SERPINB3: variants seen among roughly 807,000 people sequenced by gnomAD.
SERPINB3 encodes serpin family B member 3.
A neutral mutation model predicts 33.0 loss-of-function variants in SERPINB3; 33 were observed. That is an observed-to-expected ratio of 1.00 (90% CI 0.76 to 1.34). SERPINB3 has a LOEUF of 1.34. Among genes scored for constraint, SERPINB3 ranks in the 40% most tolerant of loss-of-function variants. SERPINB3 has a pLI of 0.00. For synonymous variants in SERPINB3, 200 were observed against 170.9 expected (o/e 1.17, Z -1.33); for missense variants, 518 against 461.5 (o/e 1.12, Z -1.12).
At chr18:63,659,736 T>C (rs8089709) in intron 3 of SERPINB3, among the ~76,000 whole-genome samples, 7,848 of 152,244 alleles carry the variant, frequency 0.052, 623 homozygotes, top group African/African-American at 0.17. Flanking sequence ...CTTGCTCTAA[T>C]GTACTGCAAT....
At chr18:63,658,425 C>T in intron 5 of SERPINB3, 88 bp downstream of exon 5, 1 of 1,117,748 alleles carries the variant, frequency 8.9e-7, no homozygotes, top group Middle Eastern at 3.0e-4. Flanking sequence ...ATCTCAATTC[C>T]CACCCATGGT....
chr18:63,658,724 T>C, intron 4 of SERPINB3, 94 bp from the exon 5 acceptor site: 1 of 957,924 alleles, frequency 1.0e-6, no homozygotes, highest in South Asian at 1.6e-5. Context: ...GTAAGCTGAA[T>C]CCAGACCCTG....
chr18:63,657,771 CT>C (rs78145953), intron 5 of SERPINB3, among the ~76,000 whole-genome samples: 31,006 of 138,830 alleles, frequency 0.22, 3,287 homozygotes, highest in African/African-American at 0.25. Flanking sequence ...CCTCTTCCTA[CT>C]TTTTTTTTTT....
At position 63,661,193 on chromosome 18, in the gene SERPINB3, G is replaced by C. The variant is rs774496420; in HGVS notation, c.24C>G (p.Asn8Lys). The stretch of plus-strand genomic sequence containing the variant: ...GGAACAGGTCGAACATGAACTTGGT[G>C]TTGGCTTCACTGAGTGAATTCATGG... MNSLSEA[N>K]TKFMFDLFQQ... Residue 8 changes from asparagine to lysine, a missense_variant, in exon 2 of 8, where the codon AAC (asparagine) becomes AAG (lysine). Transcript: ENST00000283752. The C allele has an allele frequency of 6.2e-7, 1 of 1,613,444 alleles. No homozygotes were observed. The highest frequency in any genetic ancestry group is 8.5e-7 in the Non-Finnish European group (1 of 1,179,542).
At chr18:63,658,462 T>A (rs376330364) in intron 5 of SERPINB3, 51 bp downstream of exon 5, 1 of 1,496,190 alleles carries the variant, frequency 6.7e-7, no homozygotes, top group South Asian at 1.1e-5. Context: ...GGCATAGGGC[T>A]CACTCGCATA....
At position 63,656,900 on chromosome 18, in the gene SERPINB3, T is replaced by G; in HGVS notation, c.699A>C (p.Glu233Asp). Reference protein sequence around the residue: ...SLEDVQAKVLEIPYKGKDLSM... With the variant: ...SLEDVQAKVLDIPYKGKDLSM... ...TTAGATCTTTGCCTTTGTATGGTAT[T>G]TCCAGGACCTTGGCCTGTACATCCT... Residue 233 changes from glutamate (E) to aspartate (D), a missense_variant, in exon 7 of 8, where the codon GAA becomes GAC. Physicochemically the swap from Glu to Asp is conservative, Grantham distance 45 (BLOSUM62 2). Transcript: ENST00000283752. The G allele has an allele frequency of 6.2e-7, 1 of 1,613,598 alleles. No homozygotes were observed. Among genetic ancestry groups the G allele is most frequent in the Non-Finnish European group, 8.5e-7 (1 of 1,179,644 alleles).
Position 63,656,937 on chromosome 18 carries a change from A to T in SERPINB3, c.662T>A (p.Phe221Tyr). The change falls in exon 7 of 8, where the codon TTT (phenylalanine) becomes TAT (tyrosine). Residue 221 changes from phenylalanine (F) to tyrosine (Y), a missense_variant. By Grantham distance (22) the Phe-to-Tyr change is conservative. Transcript: ENST00000283752. ...QMMRQYTSFH[F>Y]ASLEDVQAKV... Reference sequence around the variant, plus strand: ...GGCCTGTACATCCTCCAGCGAGGCAAAATGAAAAGATGTGTATTGCCTCAT... The same window carrying T: ...GGCCTGTACATCCTCCAGCGAGGCATAATGAAAAGATGTGTATTGCCTCAT... The T allele has an allele frequency of 6.2e-7, 1 of 1,613,392 alleles. No homozygotes were observed. Among genetic ancestry groups the T allele is most frequent in the Non-Finnish European group, 8.5e-7 (1 of 1,179,526 alleles).
chr18:63,659,313 C>T (rs1261926382), intron 4 of SERPINB3, 86 bp downstream of exon 4: 2 of 1,446,570 alleles, frequency 1.4e-6, no homozygotes, highest in East Asian at 2.3e-5. Context: ...CGGTCAGGCT[C>T]ATCTGCCTTG....
At chr18:63,657,128 C>T (rs1568170627) in intron 6 of SERPINB3, 142 bp from the exon 7 acceptor site, 1 of 920,298 alleles carries the variant, frequency 1.1e-6, no homozygotes, top group African/African-American at 1.7e-5. Flanking sequence ...TTCAGGAATT[C>T]CTAACTAAAT....
In SERPINB3 at chr18:63,655,869, G is replaced by A. The variant is rs540991572; in HGVS notation, c.961C>T (p.Arg321Cys). ...DADLSGMTGS[R>C]GLVLSGVLHK... Reference sequence around the variant, plus strand: ...AGGACTCCAGATAGCACGAGACCGCGGCTCCCGGTCATGCCTGAGAGGTCT... The same window carrying A: ...AGGACTCCAGATAGCACGAGACCGCAGCTCCCGGTCATGCCTGAGAGGTCT... Residue 321 changes from arginine (R) to cysteine (C), a missense_variant, in exon 8 of 8, where the codon CGC (arginine) becomes TGC (cysteine). Coordinates refer to ENST00000283752, the MANE Select transcript of SERPINB3 (RefSeq NM_006919.3). 64 of 1,613,934 alleles carry A rather than the reference G, an allele frequency of 4.0e-5. No individual in the cohort carries two copies. Among genetic ancestry groups the A allele is most frequent in the East Asian group, 4.5e-5 (2 of 44,872 alleles).
chr18:63,655,706 T>C lies in SERPINB3; in HGVS notation c.1124A>G (p.Gln375Arg). ...CNHPFLFFIRQNKTNSILFYG... is the reference protein window; with the variant it reads ...CNHPFLFFIRRNKTNSILFYG... The stretch of plus-strand genomic sequence containing the variant: ...GAAGAGGATGCTGTTGGTCTTATTT[T>C]GCCTTATGAAGAATAGGAAAGGGTG... The change falls in exon 8 of 8, where the codon CAA becomes CGA. Residue 375 changes from glutamine to arginine, a missense_variant. Physicochemically the swap from Gln to Arg is conservative, Grantham distance 43. Transcript: ENST00000283752. The C allele has an allele frequency of 2.5e-6, 4 of 1,613,852 alleles. No individual in the cohort carries two copies. The Admixed American group carries it at 6.7e-5, about 27-fold the overall frequency.
At position 63,656,435 on chromosome 18, in the gene SERPINB3, A is replaced by G. The variant is rs573219234; in HGVS notation, c.769-374T>C. On this transcript the variant is annotated intron_variant, in intron 7 of 7. Coordinates refer to ENST00000283752, the MANE Select transcript of SERPINB3 (RefSeq NM_006919.3). ...TGTCAATTTTTAATAGGCTCATCTT[A>G]TTTTTCTGTATACATTATTTAGTAC... Among the ~76,000 whole-genome samples the G allele has an allele frequency of 7.1e-4, 108 of 152,114 alleles. 1 individual carries two copies. The highest frequency in any genetic ancestry group is 1.2e-3 in the Non-Finnish European group (81 of 67,972).
At chr18:63,656,141 G>C (rs964050853) in intron 7 of SERPINB3, 80 bp from the exon 8 acceptor site, 2 of 1,493,218 alleles carry the variant, frequency 1.3e-6, no homozygotes, top group Non-Finnish European at 1.8e-6. Context: ...ACTATGTGGA[G>C]AATCCTTATT....
At chr18:63,659,671 A>G (rs1313488353) in intron 3 of SERPINB3, 144 bp from the exon 4 acceptor site, 5 of 1,101,520 alleles carry the variant, frequency 4.5e-6, no homozygotes, top group Non-Finnish European at 2.6e-6. Flanking sequence ...GGTGTATTTC[A>G]CCTCAAATAC....
At chr18:63,661,384 A>G in intron 1 of SERPINB3, 142 bp from the exon 2 acceptor site, 1 of 917,404 alleles carries the variant, frequency 1.1e-6, no homozygotes, top group East Asian at 2.6e-5. Context: ...TTAACGTTTC[A>G]ATCTTTCTAC....
At chr18:63,659,240 C>T (rs147069489) in intron 4 of SERPINB3, 159 bp downstream of exon 4, 9 of 752,684 alleles carry the variant, frequency 1.2e-5, no homozygotes, top group Non-Finnish European at 2.1e-5. Flanking sequence ...CTGGGACACT[C>T]CAGTGGGGGA....
chr18:63,655,788 C>A lies in SERPINB3; in HGVS notation c.1042G>T (p.Ala348Ser). The A allele has an allele frequency of 6.2e-7, 1 of 1,613,970 alleles. No homozygotes were observed. Among genetic ancestry groups the A allele is most frequent in the Non-Finnish European group, 8.5e-7 (1 of 1,179,944 alleles). Residue 348 changes from alanine to serine, a missense_variant, in exon 8 of 8, where the codon GCT becomes TCT. Ala to Ser is a moderately conservative substitution (Grantham distance 99). Transcript: ENST00000283752. ...GGTGATGATCCGAATCCTACTACAG[C>A]GGTGGCAGCTGCAGCTTCTGCTCCC... ...EEGAEAAAAT[A>S]VVGFGSSPTS...
At chr18:63,659,670 C>G in intron 3 of SERPINB3, 143 bp from the exon 4 acceptor site, 1 of 1,136,310 alleles carries the variant, frequency 8.8e-7, no homozygotes, top group Non-Finnish European at 1.3e-6. Flanking sequence ...TGGTGTATTT[C>G]ACCTCAAATA....
Position 63,660,789 on chromosome 18 carries a change from CTG to C in SERPINB3, c.222+9_222+10del, listed in dbSNP as rs1913621642. ...GGATCTAAAGCTGAACCATAGTGCT[CTG>C]TGACTCACATGATATGTTGCAGCTT... is the stretch of plus-strand genomic sequence containing the variant. On this transcript the variant is annotated intron_variant, in intron 3 of 7. Coordinates refer to ENST00000283752, the MANE Select transcript of SERPINB3 (RefSeq NM_006919.3). The C allele has an allele frequency of 6.2e-7, 1 of 1,613,300 alleles. No homozygotes were observed. The highest frequency in any genetic ancestry group is 2.2e-5 in the East Asian group (1 of 44,814).
Sources: allele counts gnomAD v4.1 joint callset (sites outside exome capture counted in the v4.1 genomes callset), GRCh38; gene constraint gnomAD v4.1.1; transcripts MANE v1.5; gene names NCBI Gene and HGNC (gene_info 2026-07-23, HGNC 2026-07-21).